The following MAP3K15 variants were observed in gnomAD, a reference collection of about 807,000 sequenced individuals.
MAP3K15 encodes MAPK/ERK kinase kinase 15.
MAP3K15 carries 124 observed loss-of-function variants against 99.5 expected under a neutral mutation model. The observed-to-expected ratio is 1.25, with a 90% CI of 1.08 to 1.45. The LOEUF (loss-of-function observed/expected upper bound fraction) is 1.45, where lower values mean the gene tolerates loss of function less well. Ranked by LOEUF, MAP3K15 falls within the 40% of genes most tolerant of loss-of-function variation. The pLI, the probability that MAP3K15 is intolerant of heterozygous loss-of-function variation, is 0.00. For missense variants in MAP3K15, 1,242 were observed against 1,079.7 expected (o/e 1.15, Z -2.11); for synonymous variants, 494 against 439.6 (o/e 1.12, Z -1.55).
intron 25 of MAP3K15, among the ~76,000 whole-genome samples, chrX:19,367,723 A>ACTTT (rs2063344451): frequency 4.1e-5 from 1 of 24,107 alleles, no homozygotes; most frequent in African/African-American, 1.3e-4. Context: ...ATAACTATGG[A>ACTTT]TTTTTTTTTT....
At chrX:19,366,376 G>A (rs767147841) in intron 25 of MAP3K15, among the ~76,000 whole-genome samples, 2 of 111,796 alleles carry the variant, frequency 1.8e-5, no homozygotes, top group Non-Finnish European at 3.8e-5. Context: ...CTTTGGCTCT[G>A]CCCAACTGCC....
At chrX:19,377,710 G>A (rs973686272) in intron 19 of MAP3K15, among the ~76,000 whole-genome samples, 1 of 112,066 alleles carries the variant, frequency 8.9e-6, no homozygotes, top group Non-Finnish European at 1.9e-5. Flanking sequence ...ATGGCTCTCA[G>A]GTGGGCCTCA....
In MAP3K15 at chrX:19,515,019, AGCCTCCGG is replaced by A. The variant is rs1261324909; in HGVS notation, c.235_242del (p.Pro79TrpfsTer66). On this transcript the variant is annotated frameshift_variant, in exon 1 of 29. Transcript: ENST00000338883. LOFTEE classifies it high-confidence loss of function. ...CCCGCAGCAGGCACTGCCGCGCCCCAGCCTCCGGGCCGCCGGCCGCGCCGCCCTGGGAG... is the reference window on the plus strand; with the variant it reads ...CCCGCAGCAGGCACTGCCGCGCCCCAGCCGCCGGCCGCGCCGCCCTGGGAG... 9.3e-6 allele frequency: 10 copies of A among 1,076,812 alleles called. No homozygotes were observed. The highest frequency in any genetic ancestry group is 2.0e-5 in the African/African-American group (1 of 49,697). 88.7% of individuals were successfully genotyped at this position (1,076,812 alleles called of 1,213,427 possible). A position where few individuals can be genotyped will look rare whatever the true frequency, so the allele number is the denominator to read the frequency against.
intron 1 of MAP3K15, among the ~76,000 whole-genome samples, chrX:19,511,721 G>T (rs1385064772): frequency 8.9e-6 from 1 of 112,122 alleles, no homozygotes; most frequent in Non-Finnish European, 1.9e-5. Context: ...CTGTTGGTGG[G>T]AGTGTGAATT....
intron 2 of MAP3K15, 95 bp downstream of exon 2, chrX:19,488,733 T>A (rs187775032): frequency 1.1e-6 from 1 of 890,030 alleles, no homozygotes; most frequent in African/African-American, 2.0e-5. Context: ...GTCTTTGTTT[T>A]TCTCCAACTT....
At position 19,361,579 on chromosome X, in the gene MAP3K15, G is replaced by C. The variant is rs778062708; in HGVS notation, c.3694C>G (p.Pro1232Ala). Reference sequence around the variant, plus strand: ...GTTCTCTGCCCGTAGGGGCCTGCTGGGTTCTCTGTAATACCTGTAACGATT... The same window carrying C: ...GTTCTCTGCCCGTAGGGGCCTGCTGCGTTCTCTGTAATACCTGTAACGATT... ...KLKSNCITEN[P>A]AGPYGQRTDK... Residue 1232 changes from proline (P) to alanine (A), a missense_variant, in exon 27 of 29, where the codon CCA becomes GCA. Transcript: ENST00000338883. 15 of 1,203,919 alleles carry C rather than the reference G, an allele frequency of 1.2e-5. No homozygotes were observed. The East Asian group carries it at 4.4e-4, about 36-fold the overall frequency.
intron 20 of MAP3K15, 96 bp from the exon 21 acceptor site, chrX:19,373,791 C>T (rs1005522486): frequency 1.1e-6 from 1 of 929,414 alleles, no homozygotes; most frequent in African/African-American, 1.9e-5. Flanking sequence ...GTGAACCGCC[C>T]AGGCACCCAG....
intron 18 of MAP3K15, among the ~76,000 whole-genome samples, chrX:19,386,650 C>T (rs1266280503): frequency 9.0e-6 from 1 of 111,111 alleles, no homozygotes; most frequent in Non-Finnish European, 1.9e-5. Flanking sequence ...ACTGACTCAG[C>T]CCCCCTAGGG....
chrX:19,486,537 T>G, intron 2 of MAP3K15, 32 bp from the exon 3 acceptor site: 1 of 793,816 alleles, frequency 1.3e-6, no homozygotes, highest in Non-Finnish European at 1.7e-6. Flanking sequence ...GAATATAGCT[T>G]TTTGTAAAAC....
intron 3 of MAP3K15, among the ~76,000 whole-genome samples, chrX:19,465,334 T>A (rs1326051797): frequency 8.9e-6 from 1 of 111,950 alleles, no homozygotes; most frequent in African/African-American, 3.2e-5. Context: ...ACAAAGCTTC[T>A]GATATTCTAT....
At chrX:19,389,301 T>TTA (rs2063511816) in intron 18 of MAP3K15, among the ~76,000 whole-genome samples, 1 of 62,852 alleles carries the variant, frequency 1.6e-5, no homozygotes, top group Non-Finnish European at 3.2e-5. Flanking sequence ...ATAAGGCTGC[T>TTA]AAAAAAAAAA....
intron 8 of MAP3K15, among the ~76,000 whole-genome samples, 163 bp downstream of exon 8, chrX:19,426,068 G>A (rs761746831): frequency 1.7e-3 from 191 of 111,653 alleles, no homozygotes; most frequent in Non-Finnish European, 3.3e-3. Flanking sequence ...GTTGCAGTGA[G>A]CCAAGATCAC....
intron 12 of MAP3K15, among the ~76,000 whole-genome samples, chrX:19,407,563 A>G (rs191992226): frequency 1.8e-5 from 2 of 112,357 alleles, no homozygotes; most frequent in East Asian, 2.8e-4. Flanking sequence ...AAAGGGGAAT[A>G]AAATATGGTT....
chrX:19,493,624 C>A lies in MAP3K15; in HGVS notation c.362-4657G>T, dbSNP rs186290943. ...AGGGCTTTATCCCTAAAGAGAGCAC[C>A]AGTTACCTAAAACCTTTCATCATCA... On this transcript the variant is annotated intron_variant, in intron 1 of 28. Coordinates refer to ENST00000338883, the MANE Select transcript of MAP3K15 (RefSeq NM_001001671.4). Among the ~76,000 whole-genome samples the A allele has an allele frequency of 4.5e-5, 5 of 111,760 alleles. No homozygotes were observed. The East Asian group carries it at 1.1e-3, about 25-fold the overall frequency.
rs189842764 is a variant in MAP3K15 at position 19,413,535 on chromosome X, C to T, written c.1591-71G>A. The stretch of plus-strand genomic sequence containing the variant: ...TAGCGCACCCTGCCCAGCGAGGAGG[C>T]GGGGAGGTCCGTACTCAATATATCC... On this transcript the variant is annotated intron_variant, in intron 10 of 28. Transcript: ENST00000338883. 1.6e-4 allele frequency: 117 copies of T among 751,181 alleles called. No homozygotes were observed. In the Middle Eastern group the frequency reaches 2.1e-3, roughly 14 times the overall value. 61.9% of individuals were successfully genotyped at this position (751,181 alleles called of 1,213,427 possible).
chrX:19,494,287 T>G (rs940373286), intron 1 of MAP3K15, among the ~76,000 whole-genome samples: 2 of 110,898 alleles, frequency 1.8e-5, no homozygotes, highest in East Asian at 5.7e-4. Context: ...ATAATGAGAC[T>G]CTGTCTTTTT....
chrX:19,404,285 A>T (rs1355645177), intron 13 of MAP3K15, among the ~76,000 whole-genome samples: 1 of 112,196 alleles, frequency 8.9e-6, no homozygotes, highest in Admixed American at 9.5e-5. Flanking sequence ...TTAGGTATGT[A>T]CTTAATAAAA....
At chrX:19,510,854 C>T (rs1199565624) in intron 1 of MAP3K15, among the ~76,000 whole-genome samples, 2 of 112,333 alleles carry the variant, frequency 1.8e-5, no homozygotes, top group Non-Finnish European at 3.8e-5. Flanking sequence ...TCTCAGGATA[C>T]AAAATCAATG....
At chrX:19,421,581 T>C (rs878981760) in intron 9 of MAP3K15, among the ~76,000 whole-genome samples, 4 of 109,093 alleles carry the variant, frequency 3.7e-5, no homozygotes, top group Admixed American at 2.9e-4. Context: ...GAAGAATCAA[T>C]ATCGTGAAAA....
Sources: gnomAD v4.1 joint callset for allele counts (sites outside exome capture counted in the v4.1 genomes callset) on GRCh38, gnomAD v4.1.1 for gene constraint, MANE v1.5 for transcripts, NCBI Gene and HGNC (gene_info 2026-07-23, HGNC 2026-07-21) for gene names.